Variants in GRIA4 observed in about 807,000 individuals in gnomAD.
GRIA4 encodes glutamate ionotropic receptor AMPA type subunit 4.
A neutral mutation model predicts 104.0 loss-of-function variants in GRIA4; 34 were observed. The ratio of observed to expected loss-of-function variants is 0.33; its 90% CI spans 0.25 to 0.44. The LOEUF (loss-of-function observed/expected upper bound fraction) is 0.44. Ranked by LOEUF, GRIA4 falls within the 20% of genes least tolerant of loss-of-function variation. The pLI is 1.00. For missense variants in GRIA4, 750 were observed against 1,096.5 expected (o/e 0.68, Z 4.46); for synonymous variants, 386 against 381.9 (o/e 1.01, Z -0.13).
At chr11:105,754,656 C>A (rs1940198428) in intron 4 of GRIA4, among the ~76,000 whole-genome samples, 2 of 152,106 alleles carry the variant, frequency 1.3e-5, no homozygotes. Context: ...TAAGGAGTTG[C>A]CATGCATGTT....
At chr11:105,897,186 A>AT (rs1212116286) in intron 6 of GRIA4, among the ~76,000 whole-genome samples, 1 of 151,940 alleles carries the variant, frequency 6.6e-6, no homozygotes, top group African/African-American at 2.4e-5. Flanking sequence ...TTTAAATATG[A>AT]TTGAGTTCTT....
At chr11:105,718,489 A>G (rs1045730603) in intron 3 of GRIA4, among the ~76,000 whole-genome samples, 1 of 152,230 alleles carries the variant, frequency 6.6e-6, no homozygotes, top group Non-Finnish European at 1.5e-5. Context: ...TGGATGAATA[A>G]ATGGATGGAT....
At chr11:105,832,077 G>T (rs544190238) in intron 4 of GRIA4, among the ~76,000 whole-genome samples, 1 of 151,984 alleles carries the variant, frequency 6.6e-6, no homozygotes, top group East Asian at 1.9e-4. Context: ...GTAAGGCCGG[G>T]GAATCAATGA....
chr11:105,953,852 G>C (rs541396930), intron 14 of GRIA4, among the ~76,000 whole-genome samples: 1 of 152,064 alleles, frequency 6.6e-6, no homozygotes, highest in South Asian at 2.1e-4. Flanking sequence ...TCTAATACTT[G>C]TTAGGGAAAG....
At chr11:105,721,520 A>C (rs964010050) in intron 3 of GRIA4, among the ~76,000 whole-genome samples, 11 of 152,166 alleles carry the variant, frequency 7.2e-5, no homozygotes, top group African/African-American at 2.2e-4. Context: ...AAACATACTA[A>C]AGGATATTCT....
chr11:105,929,411 G>C (rs1029555242), intron 13 of GRIA4, among the ~76,000 whole-genome samples: 1 of 152,088 alleles, frequency 6.6e-6, no homozygotes, highest in African/African-American at 2.4e-5. Context: ...TATTGCCTTG[G>C]TTTTGCCCCA....
chr11:105,781,580 A>G (rs1941728702), intron 4 of GRIA4, among the ~76,000 whole-genome samples: 1 of 152,158 alleles, frequency 6.6e-6, no homozygotes, highest in South Asian at 2.1e-4. Context: ...TGGAAAACAA[A>G]AGGGAATGCA....
At chr11:105,640,112 C>T (rs544506501) in intron 3 of GRIA4, among the ~76,000 whole-genome samples, 2 of 151,922 alleles carry the variant, frequency 1.3e-5, no homozygotes, top group South Asian at 4.2e-4. Context: ...TTTTGAAATA[C>T]AATCTAGTTC....
chr11:105,810,199 AC>A (rs1036062583), intron 4 of GRIA4, among the ~76,000 whole-genome samples: 3 of 152,116 alleles, frequency 2.0e-5, no homozygotes, highest in African/African-American at 7.2e-5. Flanking sequence ...TCTCCTTTGA[AC>A]CCAAACAAAT....
chr11:105,889,241 G>C (rs1271844809), intron 6 of GRIA4, among the ~76,000 whole-genome samples: 1 of 152,160 alleles, frequency 6.6e-6, no homozygotes, highest in African/African-American at 2.4e-5. Context: ...ACAGCCCTAG[G>C]AGATGGCAGT....
At chr11:105,753,513 C>G (rs997718908) in intron 4 of GRIA4, among the ~76,000 whole-genome samples, 1 of 152,022 alleles carries the variant, frequency 6.6e-6, no homozygotes, top group Non-Finnish European at 1.5e-5. Flanking sequence ...CAACAATCAA[C>G]AAAAAATAGT....
At chr11:105,782,139 G>A (rs1004681507) in intron 4 of GRIA4, among the ~76,000 whole-genome samples, 12 of 152,072 alleles carry the variant, frequency 7.9e-5, no homozygotes, top group African/African-American at 2.7e-4. Flanking sequence ...AATATCCCTT[G>A]AGCTGATAGT....
At chr11:105,727,044 T>C (rs1471212269) in intron 3 of GRIA4, among the ~76,000 whole-genome samples, 5 of 151,812 alleles carry the variant, frequency 3.3e-5, no homozygotes, top group Admixed American at 3.3e-4. Flanking sequence ...GTTTGACAAA[T>C]TGACAGAAGT....
chr11:105,862,137 C>A lies in GRIA4; in HGVS notation c.601C>A (p.Leu201Ile). 6.2e-7 allele frequency: 1 copy of A among 1,606,864 alleles called. No individual in the cohort carries two copies. Among genetic ancestry groups the A allele is most frequent in the Non-Finnish European group, 8.5e-7 (1 of 1,173,518 alleles). The change falls in exon 5 of 17, where the codon CTT (leucine) becomes ATT (isoleucine). Residue 201 changes from leucine to isoleucine, a missense_variant. Leu to Ile is a conservative substitution (Grantham distance 5). Transcript: ENST00000282499. ...CAGCTATAGGCAACTTCTAGAAGAA[C>A]TTGACAGAAGACAAGAGAAGAAGTT... ...DVSYRQLLEE[L>I]DRRQEKKFVI...
intron 3 of GRIA4, among the ~76,000 whole-genome samples, chr11:105,690,524 G>T (rs890274329): frequency 6.6e-6 from 1 of 152,124 alleles, no homozygotes. Context: ...AAAAGAGGGG[G>T]AGAGAGGGTC....
At chr11:105,795,952 G>A (rs932798470) in intron 4 of GRIA4, among the ~76,000 whole-genome samples, 17 of 152,166 alleles carry the variant, frequency 1.1e-4, no homozygotes, top group African/African-American at 4.1e-4. Context: ...ATGACAAGTG[G>A]CATTTTGGCT....
chr11:105,924,480 T>C lies in GRIA4; in HGVS notation c.1558T>C (p.Leu520=). The C allele has an allele frequency of 6.2e-7, 1 of 1,612,664 alleles. No homozygotes were observed. The highest frequency in any genetic ancestry group is 8.5e-7 in the Non-Finnish European group (1 of 1,178,842). ...VIDFSKPFMS[L]GISIMIKKPQ... ...TGACTTTTCTAAGCCCTTCATGAGT[T>C]TGGGCATATCTATCATGATCAAAAA... is the stretch of plus-strand genomic sequence containing the variant. Residue 520 remains leucine, a synonymous_variant, in exon 12 of 17, where the codon TTG becomes CTG. Coordinates refer to ENST00000282499, the MANE Select transcript of GRIA4 (RefSeq NM_000829.4).
intron 1 of GRIA4, 73 bp downstream of exon 1, chr11:105,610,501 G>C (rs566209698): frequency 2.4e-4 from 38 of 156,200 alleles, no homozygotes; most frequent in South Asian, 2.4e-3. Context: ...GCTCGAGGAG[G>C]GGACGCCAGG....
chr11:105,927,927 A>G (rs982397438), intron 13 of GRIA4, among the ~76,000 whole-genome samples: 3 of 152,028 alleles, frequency 2.0e-5, no homozygotes, highest in East Asian at 1.9e-4. Context: ...GACAGAACAT[A>G]TATTTTATTA....
Sources: allele counts gnomAD v4.1 joint callset (sites outside exome capture counted in the v4.1 genomes callset), GRCh38; gene constraint gnomAD v4.1.1; transcripts MANE v1.5; gene names NCBI Gene and HGNC (gene_info 2026-07-23, HGNC 2026-07-21).